Variants in PRTFDC1 observed in about 807,000 individuals in gnomAD.
The protein encoded by PRTFDC1 is phosphoribosyl transferase domain containing 1, also known as phosphoribosyltransferase domain-containing protein 1.
Under a neutral mutation model 34.6 loss-of-function variants are expected in PRTFDC1, and 38 were observed. The observed-to-expected ratio is 1.10, with a 90% CI of 0.85 to 1.44. The LOEUF (loss-of-function observed/expected upper bound fraction) is 1.44, where lower values mean the gene tolerates loss of function less well. Among genes scored for constraint, PRTFDC1 ranks in the 40% most tolerant of loss-of-function variants. PRTFDC1 has a pLI of 0.00. For missense variants in PRTFDC1, 270 were observed against 283.0 expected (o/e 0.95, Z 0.33); for synonymous variants, 93 against 98.1 (o/e 0.95, Z 0.31).
intron 1 of PRTFDC1, chr10:24,951,581 G>T: frequency 1.0e-6 from 1 of 985,354 alleles, no homozygotes; most frequent in Non-Finnish European, 1.2e-6. Flanking sequence ...TTCATAAACA[G>T]ATTATCTGTG....
At chr10:24,886,178 A>C (rs1848160227) in intron 3 of PRTFDC1, among the ~76,000 whole-genome samples, 1 of 152,206 alleles carries the variant, frequency 6.6e-6, no homozygotes, top group African/African-American at 2.4e-5. Flanking sequence ...TTATTGTAAC[A>C]AATGTTCAAC....
intron 6 of PRTFDC1, 129 bp downstream of exon 6, chr10:24,856,784 A>G: frequency 1.2e-6 from 1 of 821,826 alleles, no homozygotes; most frequent in South Asian, 1.6e-5. Flanking sequence ...GTCAAGCTGT[A>G]ATACCCCAGG....
chr10:24,940,229 C>T (rs1849133805), intron 2 of PRTFDC1, among the ~76,000 whole-genome samples: 1 of 152,162 alleles, frequency 6.6e-6, no homozygotes, highest in South Asian at 2.1e-4. Context: ...CAATACTTCA[C>T]CCCACAACAG....
intron 4 of PRTFDC1, among the ~76,000 whole-genome samples, chr10:24,862,104 T>G (rs1330018376): frequency 6.6e-6 from 1 of 152,170 alleles, no homozygotes; most frequent in East Asian, 1.9e-4. Flanking sequence ...CATGCTTAAC[T>G]GTTTAAAGTA....
chr10:24,891,190 G>C (rs968108415), intron 3 of PRTFDC1, among the ~76,000 whole-genome samples: 14 of 152,054 alleles, frequency 9.2e-5, no homozygotes, highest in African/African-American at 3.4e-4. Context: ...ATTCAGAATC[G>C]ATTTATTCTT....
chr10:24,913,986 G>C (rs1421795261), intron 3 of PRTFDC1, among the ~76,000 whole-genome samples: 1 of 152,098 alleles, frequency 6.6e-6, no homozygotes, highest in Admixed American at 6.6e-5. Context: ...CTAATTTTTT[G>C]TACATTGATA....
intron 7 of PRTFDC1, among the ~76,000 whole-genome samples, chr10:24,855,107 T>C (rs1270188890): frequency 6.6e-6 from 1 of 152,172 alleles, no homozygotes; most frequent in African/African-American, 2.4e-5. Flanking sequence ...AGATGCAAAT[T>C]AGAACATTGA....
At chr10:24,902,172 T>C (rs764661587) in intron 3 of PRTFDC1, among the ~76,000 whole-genome samples, 25 of 151,274 alleles carry the variant, frequency 1.7e-4, no homozygotes, top group South Asian at 6.2e-4. Flanking sequence ...CATTGCTGGA[T>C]GGAGGAGGGA....
At chr10:24,855,498 A>G in intron 6 of PRTFDC1, 134 bp from the exon 7 acceptor site, 1 of 1,042,046 alleles carries the variant, frequency 9.6e-7, no homozygotes. Flanking sequence ...GGTTCTGGAT[A>G]AAAAGAAGAC....
rs143046327 is a variant in PRTFDC1 at position 24,945,816 on chromosome 10, C to T, written c.49-3380G>A. 5.8e-3 allele frequency among the ~76,000 whole-genome samples: 886 copies of T among 152,282 alleles called. 7 individuals are homozygous for T. The highest frequency in any genetic ancestry group is 0.052 in the Middle Eastern group (15 of 290). ...GCTCTCCCTCTACCATCAAACTGGC[C>T]GGTGGGACTGCTGGATTTGCACCAA... On this transcript the variant is annotated intron_variant, in intron 1 of 8. Transcript: ENST00000320152.
intron 3 of PRTFDC1, among the ~76,000 whole-genome samples, chr10:24,925,288 G>A (rs1848852593): frequency 6.6e-6 from 1 of 152,120 alleles, no homozygotes; most frequent in African/African-American, 2.4e-5. Flanking sequence ...ATGGACACAG[G>A]GCGGGGAACA....
intron 3 of PRTFDC1, among the ~76,000 whole-genome samples, chr10:24,874,741 T>G (rs1176974096): frequency 1.3e-5 from 2 of 152,212 alleles, no homozygotes; most frequent in Non-Finnish European, 2.9e-5. Flanking sequence ...TTTTTAAAAT[T>G]TTTAATTGAC....
chr10:24,895,788 T>C (rs999820980), intron 3 of PRTFDC1, among the ~76,000 whole-genome samples: 4 of 144,958 alleles, frequency 2.8e-5, no homozygotes, highest in Non-Finnish European at 6.0e-5. Context: ...AGAGGGAGAC[T>C]GATTAAAAAA....
At chr10:24,917,765 T>G (rs952469915) in intron 3 of PRTFDC1, among the ~76,000 whole-genome samples, 1 of 152,118 alleles carries the variant, frequency 6.6e-6, no homozygotes, top group Non-Finnish European at 1.5e-5. Flanking sequence ...GAGTCCCAAA[T>G]GCAATAGATG....
chr10:24,913,714 C>G (rs1848658419), intron 3 of PRTFDC1, among the ~76,000 whole-genome samples: 1 of 152,134 alleles, frequency 6.6e-6, no homozygotes, highest in African/African-American at 2.4e-5. Context: ...AAGATAAGGC[C>G]ACTTTGGCAA....
intron 4 of PRTFDC1, among the ~76,000 whole-genome samples, chr10:24,870,917 C>T (rs1309555054): frequency 1.3e-5 from 2 of 151,772 alleles, no homozygotes; most frequent in African/African-American, 4.8e-5. Context: ...ACTAAAAATA[C>T]AAAAATTACC....
At chr10:24,924,677 A>G (rs1848843574) in intron 3 of PRTFDC1, among the ~76,000 whole-genome samples, 1 of 152,234 alleles carries the variant, frequency 6.6e-6, no homozygotes, top group Non-Finnish European at 1.5e-5. Flanking sequence ...GACACTTCTC[A>G]AAAGAAGACA....
intron 4 of PRTFDC1, among the ~76,000 whole-genome samples, chr10:24,860,876 T>A (rs528622713): frequency 5.9e-4 from 90 of 152,340 alleles, no homozygotes; most frequent in African/African-American, 2.1e-3. Flanking sequence ...CCAACCAGAA[T>A]ACTTGGAGAA....
In PRTFDC1 at chr10:24,849,080, T is replaced by C. The variant is rs1217822990; in HGVS notation, c.*764A>G. 1 of 152,240 alleles carries C rather than the reference T, an allele frequency of 6.6e-6. No individual in the cohort carries two copies. Among genetic ancestry groups the C allele is most frequent in the East Asian group, 1.9e-4 (1 of 5,198 alleles). 9.4% of individuals were successfully genotyped at this position (152,240 alleles called of 1,614,324 possible). A position where few individuals can be genotyped will look rare whatever the true frequency, so the allele number is the denominator to read the frequency against. On this transcript the variant is annotated 3_prime_UTR_variant, in exon 9 of 9. Transcript: ENST00000320152. ...GCCATTTGCTCATGTCCCACATGAA[T>C]AAAAGGATACAGCTTAGAAACCAGG...
Sources: allele counts gnomAD v4.1 joint callset (sites outside exome capture counted in the v4.1 genomes callset), GRCh38; gene constraint gnomAD v4.1.1; transcripts MANE v1.5; gene names NCBI Gene and HGNC (gene_info 2026-07-23, HGNC 2026-07-21).